The following TRPM5 variants were observed in gnomAD, a reference collection of about 807,000 sequenced individuals.
TRPM5 encodes MLSN1 and TRP-related.
In TRPM5, 121 loss-of-function variants were observed where a neutral mutation model predicts 124.9. That is an observed-to-expected ratio of 0.97 (90% CI 0.84 to 1.13). TRPM5 has a LOEUF of 1.13. TRPM5 is among the 50% of genes most tolerant of loss of function. The pLI, the probability that TRPM5 is intolerant of heterozygous loss-of-function variation, is 0.00. For synonymous variants in TRPM5, 781 were observed against 700.5 expected, an observed-to-expected ratio of 1.11 and a Z score of -1.81; for missense variants, 1,643 against 1,589.1, an observed-to-expected ratio of 1.03 and a Z score of -0.58.
chr11:2,418,867 G>A (rs1324965866), intron 4 of TRPM5, among the ~76,000 whole-genome samples: 1 of 152,218 alleles, frequency 6.6e-6, no homozygotes, highest in Non-Finnish European at 1.5e-5. Context: ...AAGAAACGGA[G>A]CACCCAGCCC....
At chr11:2,429,105 G>T in the TRPM5 span, among the ~76,000 whole-genome samples, 1 of 148,724 alleles carries the variant, frequency 6.7e-6, no homozygotes, top group Non-Finnish European at 1.5e-5. The surrounding 1 kb of genome is among the most constrained non-coding windows in gnomAD (Gnocchi z 8.4). Flanking sequence ...TGGTAGTAAT[G>T]ATGATGGTGG....
At chr11:2,434,540 A>T in the TRPM5 span, among the ~76,000 whole-genome samples, 1 of 130,674 alleles carries the variant, frequency 7.7e-6, no homozygotes, top group Non-Finnish European at 1.6e-5. Flanking sequence ...GCTGTGTATG[A>T]GTGTGTGTGA....
intron 1 of TRPM5, 120 bp from the exon 7 acceptor site, chr11:2,422,441 G>A (rs1845786440): frequency 1.5e-6 from 1 of 672,350 alleles, no homozygotes; most frequent in Non-Finnish European, 2.3e-6. Context: ...GGGACACTGG[G>A]CACTGGGAGG....
chr11:2,410,789 C>T, intron 18 of TRPM5: 1 of 411,332 alleles, frequency 2.4e-6, no homozygotes, highest in East Asian at 7.3e-5. Context: ...TGGGGTGGGT[C>T]CCCAGGAGCA....
Position 2,415,273 on chromosome 11 carries a change from G to C in TRPM5, c.1327C>G (p.Leu443Val), listed in dbSNP as rs775302014. The change falls in exon 9 of 24, where the codon CTG (leucine) becomes GTG (valine). Residue 443 changes from leucine (L) to valine (V), a missense_variant. By Grantham distance (32) the Leu-to-Val change is conservative (BLOSUM62 1). Coordinates refer to ENST00000155858, the Ensembl canonical transcript of TRPM5. The stretch of plus-strand genomic sequence containing the variant: ...GCCTGCTGGGTGCCCAGGCCGGCCA[G>C]CGTCAGCCGGGCCTCCTCCTGCTTC... 1.3e-5 allele frequency: 20 copies of C among 1,572,844 alleles called. 1 individual carries two copies. Among genetic ancestry groups the C allele is most frequent in the Non-Finnish European group, 1.6e-5 (19 of 1,164,824 alleles).
At chr11:2,429,433 A>G in the TRPM5 span, among the ~76,000 whole-genome samples, 1 of 148,904 alleles carries the variant, frequency 6.7e-6, no homozygotes, top group Admixed American at 6.7e-5. The surrounding 1 kb of genome is among the most constrained non-coding windows in gnomAD (Gnocchi z 8.4). Context: ...GATAGTGTTA[A>G]TAATTGTGGT....
chr11:2,443,947 CGCAGCG>C, the TRPM5 span, among the ~76,000 whole-genome samples: 7 of 152,202 alleles, frequency 4.6e-5, no homozygotes, highest in African/African-American at 1.7e-4. This position sits in a 1 kb window ranked among gnomAD's most constrained non-coding sequence, Gnocchi z 5.0. Context: ...ATCCACGGGG[CGCAGCG>C]GCAGCGCGGT....
At chr11:2,413,170 T>C (rs1463948492) in exon 14 of TRPM5, 1 of 1,552,448 alleles carries the variant, frequency 6.4e-7, no homozygotes, top group East Asian at 2.4e-5. Context: ...CTTCTCCGTG[T>C]CCAGGCTGTC....
At chr11:2,407,358 C>G in intron 19 of TRPM5, 58 bp from the exon 25 acceptor site, 1 of 1,507,698 alleles carries the variant, frequency 6.6e-7, no homozygotes, top group Non-Finnish European at 9.0e-7. Context: ...TTGGGGGACG[C>G]ATCCCCCTGC....
upstream of TRPM5, among the ~76,000 whole-genome samples, chr11:2,425,780 G>A (rs984550634): frequency 2.0e-5 from 3 of 152,202 alleles, no homozygotes; most frequent in Non-Finnish European, 4.4e-5. Flanking sequence ...AGCACAGGGT[G>A]TAGGGGGCTT....
At chr11:2,434,460 G>T in the TRPM5 span, among the ~76,000 whole-genome samples, 1 of 148,994 alleles carries the variant, frequency 6.7e-6, no homozygotes, top group South Asian at 2.2e-4. Context: ...TGTGTGTGTG[G>T]ACACTGTGTG....
At chr11:2,404,811 G>A in exon 24 of TRPM5, 1 of 702,578 alleles carries the variant, frequency 1.4e-6, no homozygotes, top group Middle Eastern at 4.1e-4. Context: ...GCACCAGGAG[G>A]GCCATTGTCT....
chr11:2,425,363 G>A (rs2133540298), upstream of TRPM5, among the ~76,000 whole-genome samples: 1 of 152,260 alleles, frequency 6.6e-6, no homozygotes, highest in Admixed American at 6.5e-5. Context: ...CTGTGGCCGC[G>A]TGGCTCCAGC....
chr11:2,432,896 C>T, the TRPM5 span, among the ~76,000 whole-genome samples: 4 of 152,242 alleles, frequency 2.6e-5, no homozygotes, highest in Non-Finnish European at 5.9e-5. Flanking sequence ...CGGGGGGCAG[C>T]CCGAAGCCAT....
At chr11:2,416,117 C>T (rs979649965) in intron 7 of TRPM5, 93 bp from the exon 13 acceptor site, 6 of 876,248 alleles carry the variant, frequency 6.8e-6, no homozygotes, top group East Asian at 2.7e-5. Flanking sequence ...TGCCTAGAGA[C>T]GCGGAAACGG....
At chr11:2,407,884 T>G (rs762845543) in exon 19 of TRPM5, 1 of 1,613,578 alleles carries the variant, frequency 6.2e-7, no homozygotes, top group Admixed American at 1.7e-5. Flanking sequence ...CCAGCAGCAG[T>G]GGGTGGGTGG....
the TRPM5 span, among the ~76,000 whole-genome samples, chr11:2,437,305 T>C: frequency 1.3e-5 from 2 of 152,110 alleles, no homozygotes; most frequent in Non-Finnish European, 2.9e-5. The surrounding 1 kb of genome is among the most constrained non-coding windows in gnomAD (Gnocchi z 5.6). Context: ...GGGAGACAGG[T>C]CATGACACAC....
chr11:2,416,253 C>T (rs1845675358), intron 7 of TRPM5, among the ~76,000 whole-genome samples: 1 of 152,244 alleles, frequency 6.6e-6, no homozygotes, highest in South Asian at 2.1e-4. Context: ...GGCCCGTCTG[C>T]TCCCATGTGA....
At chr11:2,412,247 A>G (rs1850467801) in exon 16 of TRPM5, 1 of 1,613,038 alleles carries the variant, frequency 6.2e-7, no homozygotes, top group African/African-American at 1.3e-5. Context: ...TCGTCTGTGA[A>G]GAAGCCCTGG....
Sources: gnomAD v4.1 joint callset for allele counts (sites outside exome capture counted in the v4.1 genomes callset) on GRCh38, gnomAD v4.1.1 for gene constraint, Gnocchi (gnomAD v3.1) non-coding constraint, MANE v1.5 for transcripts, NCBI Gene and HGNC (gene_info 2026-07-23, HGNC 2026-07-21) for gene names.